YPEL2: variants seen among roughly 807,000 people sequenced by gnomAD.
YPEL2 encodes yippee like 2, also known as protein yippee-like 2.
Under a neutral mutation model 19.1 loss-of-function variants are expected in YPEL2, and 2 were observed. The ratio of observed to expected loss-of-function variants is 0.10; its 90% CI spans 0.04 to 0.33. The LOEUF (loss-of-function observed/expected upper bound fraction) is 0.33. Ranked by LOEUF, YPEL2 falls within the 10% of genes least tolerant of loss-of-function variation. The probability of loss-of-function intolerance (pLI) is 1.00; values close to 1 mark genes in which losing one functional copy is unlikely to be tolerated. For missense variants in YPEL2, 66 were observed against 140.7 expected (o/e 0.47, Z 2.68); for synonymous variants, 52 against 50.0 (o/e 1.04, Z -0.17).
At chr17:59,343,176 T>G (rs1429030584) in intron 1 of YPEL2, among the ~76,000 whole-genome samples, 1 of 152,198 alleles carries the variant, frequency 6.6e-6, no homozygotes, top group Non-Finnish European at 1.5e-5. Flanking sequence ...GGTGTGTAAG[T>G]CCCATGTAAT....
intron 1 of YPEL2, among the ~76,000 whole-genome samples, chr17:59,332,220 G>A (rs2047674430): frequency 6.6e-6 from 1 of 152,110 alleles, no homozygotes; most frequent in East Asian, 1.9e-4. Context: ...ATGGGGTCCG[G>A]GTGGGGCTGG....
intron 1 of YPEL2, among the ~76,000 whole-genome samples, chr17:59,334,721 C>CT (rs1272982212): frequency 6.6e-6 from 1 of 152,206 alleles, no homozygotes; most frequent in Non-Finnish European, 1.5e-5. Flanking sequence ...AAAAAGGACT[C>CT]TATCCAAATT....
At chr17:59,365,373 C>G (rs1273335154) in intron 2 of YPEL2, among the ~76,000 whole-genome samples, 1 of 152,206 alleles carries the variant, frequency 6.6e-6, no homozygotes, top group Non-Finnish European at 1.5e-5. Context: ...GCAGCGAAGC[C>G]TCTCTAGAAT....
chr17:59,400,595 G>C lies in YPEL2; in HGVS notation c.*3405G>C, dbSNP rs1263089671. The C allele has an allele frequency of 6.6e-6, 1 of 152,042 alleles. No individual in the cohort carries two copies. The highest frequency in any genetic ancestry group is 1.5e-5 in the Non-Finnish European group (1 of 67,942). The allele number at this position is 152,042 out of a possible 1,614,324, so 9.4% of individuals were successfully genotyped here. ...AACAGACTCTGCAGTACATTAATCA[G>C]GTTGAGAATTGAAATATTTTCTTGC... On this transcript the variant is annotated 3_prime_UTR_variant, in exon 5 of 5. Transcript: ENST00000312655.
intron 1 of YPEL2, among the ~76,000 whole-genome samples, chr17:59,339,542 T>G (rs1477650934): frequency 1.3e-5 from 2 of 152,164 alleles, no homozygotes; most frequent in Admixed American, 1.3e-4. Flanking sequence ...TCTGAGGGTG[T>G]TTAGAGAGAA....
chr17:59,372,414 T>A (rs1282516320), intron 2 of YPEL2, among the ~76,000 whole-genome samples: 1 of 152,158 alleles, frequency 6.6e-6, no homozygotes, highest in African/African-American at 2.4e-5. Context: ...CCTTAGCTGG[T>A]TGCAAAAAAG....
chr17:59,335,705 C>T (rs1327477047), intron 1 of YPEL2, among the ~76,000 whole-genome samples: 1 of 152,050 alleles, frequency 6.6e-6, no homozygotes, highest in East Asian at 1.9e-4. Flanking sequence ...CACCCCACCA[C>T]GCCCGGCTAA....
In YPEL2 at chr17:59,400,631, G is replaced by A. The variant is rs1399755420; in HGVS notation, c.*3441G>A. ...GAAATATTTTCTTGCATCAGTATTG[G>A]CTAGAAAAGAAAATAAATAAAACCA... On this transcript the variant is annotated 3_prime_UTR_variant, in exon 5 of 5. Coordinates refer to ENST00000312655, the MANE Select transcript of YPEL2 (RefSeq NM_001005404.4). 6.6e-6 allele frequency: 1 copy of A among 152,442 alleles called. No individual in the cohort carries two copies. The highest frequency in any genetic ancestry group is 2.4e-5 in the African/African-American group (1 of 41,400). 9.4% of individuals were successfully genotyped at this position (152,442 alleles called of 1,614,324 possible). A position where few individuals can be genotyped will look rare whatever the true frequency, so the allele number is the denominator to read the frequency against.
intron 2 of YPEL2, among the ~76,000 whole-genome samples, chr17:59,363,647 G>A (rs902686044): frequency 2.6e-5 from 4 of 152,164 alleles, no homozygotes; most frequent in Non-Finnish European, 5.9e-5. Flanking sequence ...CCTACTGTGT[G>A]CCAGGAACTC....
rs148821564 is a variant in YPEL2, at chr17:59,352,398, T to C, written c.-195-817T>C. 8.0e-3 allele frequency among the ~76,000 whole-genome samples: 1,221 copies of C among 152,284 alleles called. 11 individuals carry two copies. Among genetic ancestry groups the C allele is most frequent in the African/African-American group, 0.027 (1,127 of 41,532 alleles). The stretch of plus-strand genomic sequence containing the variant: ...CACCTCACTTTCTCATTGTCCTTAG[T>C]TCCCAGTAAAAGAGCTGAGGCTGTG... On this transcript the variant is annotated intron_variant, in intron 1 of 4. Transcript: ENST00000312655.
chr17:59,394,982 A>G (rs923031226), intron 4 of YPEL2, among the ~76,000 whole-genome samples: 3 of 152,362 alleles, frequency 2.0e-5, no homozygotes, highest in East Asian at 1.9e-4. Flanking sequence ...GCAGGCACTC[A>G]GCAGGCTGAG....
intron 2 of YPEL2, among the ~76,000 whole-genome samples, chr17:59,360,992 C>T (rs934901038): frequency 6.6e-6 from 1 of 152,072 alleles, no homozygotes; most frequent in African/African-American, 2.4e-5. Context: ...TCACCATGCC[C>T]AGATAATTTT....
chr17:59,350,407 G>A (rs1192984954), intron 1 of YPEL2, among the ~76,000 whole-genome samples: 1 of 152,160 alleles, frequency 6.6e-6, no homozygotes, highest in African/African-American at 2.4e-5. Context: ...TAGGATGCCT[G>A]TTTATTCATA....
In YPEL2 at chr17:59,361,306, T is replaced by C. The variant is rs183210779; in HGVS notation, c.117+7780T>C. 4.4e-4 allele frequency among the ~76,000 whole-genome samples: 67 copies of C among 152,344 alleles called. 1 individual carries two copies. The highest frequency in any genetic ancestry group is 1.4e-3 in the African/African-American group (58 of 41,572). On this transcript the variant is annotated intron_variant, in intron 2 of 4. Coordinates refer to ENST00000312655, the MANE Select transcript of YPEL2 (RefSeq NM_001005404.4). ...ACTAATTACGTACTCTGTGTGTGTG[T>C]GCGCGTGCATGCACATAGCACTATT...
intron 2 of YPEL2, among the ~76,000 whole-genome samples, chr17:59,376,969 AAAAAAAC>A (rs1244926934): frequency 4.7e-5 from 7 of 150,500 alleles, no homozygotes; most frequent in African/African-American, 1.5e-4. Context: ...AAAAAAAAAA[AAAAAAAC>A]AAAGAAAAAG....
intron 3 of YPEL2, chr17:59,389,113 A>T: frequency 3.9e-6 from 2 of 511,262 alleles, no homozygotes; most frequent in South Asian, 2.9e-5. Flanking sequence ...TTAAAATTTT[A>T]AGCAAACTCT....
intron 1 of YPEL2, among the ~76,000 whole-genome samples, chr17:59,338,829 C>T (rs376404091): frequency 1.6e-4 from 24 of 152,286 alleles, no homozygotes; most frequent in Admixed American, 2.6e-4. Flanking sequence ...AAGAATTCAT[C>T]GTCCTGCTAA....
chr17:59,344,749 C>T (rs2047747792), intron 1 of YPEL2, among the ~76,000 whole-genome samples: 1 of 152,094 alleles, frequency 6.6e-6, no homozygotes. Context: ...CAGGGCAAGA[C>T]TCCGTCTCAA....
chr17:59,371,656 C>T (rs962567581), intron 2 of YPEL2, among the ~76,000 whole-genome samples: 5 of 152,180 alleles, frequency 3.3e-5, no homozygotes, highest in East Asian at 1.9e-4. Context: ...AGCCCTGCCG[C>T]GAGACAGGAG....
Sources: allele counts gnomAD v4.1 joint callset (sites outside exome capture counted in the v4.1 genomes callset), GRCh38; gene constraint gnomAD v4.1.1; transcripts MANE v1.5; gene names NCBI Gene and HGNC (gene_info 2026-07-23, HGNC 2026-07-21).